The following AKAP6 variants were observed in gnomAD, a reference collection of about 807,000 sequenced individuals.
AKAP6 encodes the protein A-kinase anchor protein 6.
A neutral mutation model predicts 188.5 loss-of-function variants in AKAP6; 58 were observed. The ratio of observed to expected loss-of-function variants is 0.31; its 90% CI spans 0.25 to 0.38. The LOEUF is 0.38. AKAP6 is among the 10% of genes least tolerant of loss of function. AKAP6 has a pLI of 1.00. For synonymous variants in AKAP6, 989 were observed against 998.6 expected, an observed-to-expected ratio of 0.99 and a Z score of 0.18; for missense variants, 2,710 against 2,740.0, an observed-to-expected ratio of 0.99 and a Z score of 0.24.
In AKAP6 at chr14:32,527,577, C is replaced by A. The variant is rs1388914755; in HGVS notation, c.325-7977C>A. 6.6e-5 allele frequency among the ~76,000 whole-genome samples: 10 copies of A among 152,334 alleles called. 1 individual carries two copies. The South Asian group carries it at 2.1e-3, about 32-fold the overall frequency. On this transcript the variant is annotated intron_variant, in intron 2 of 13. Coordinates refer to ENST00000280979, the MANE Select transcript of AKAP6 (RefSeq NM_004274.5). ...ACAATGAATGAGAGTTCCTCTTACT[C>A]CACATCCTCACCAGCATTTGGTGTT...
At chr14:32,783,760 T>C (rs1365766683) in intron 12 of AKAP6, among the ~76,000 whole-genome samples, 1 of 152,018 alleles carries the variant, frequency 6.6e-6, no homozygotes, top group Non-Finnish European at 1.5e-5. Context: ...GCAAAGAAAA[T>C]TTCAGCAATT....
At chr14:32,793,404 A>G (rs1306556917) in intron 12 of AKAP6, among the ~76,000 whole-genome samples, 1 of 152,220 alleles carries the variant, frequency 6.6e-6, no homozygotes, top group African/African-American at 2.4e-5. Context: ...AGTTTAAACC[A>G]GCAAAGATTA....
At chr14:32,578,679 G>C (rs1451848399) in intron 5 of AKAP6, among the ~76,000 whole-genome samples, 1 of 152,144 alleles carries the variant, frequency 6.6e-6, no homozygotes, top group Admixed American at 6.6e-5. Flanking sequence ...TAAGTGTGCT[G>C]TCTTACTTTC....
chr14:32,816,333 C>A (rs1428873185), intron 12 of AKAP6, among the ~76,000 whole-genome samples: 2 of 152,112 alleles, frequency 1.3e-5, no homozygotes, highest in Admixed American at 6.6e-5. Flanking sequence ...GCTAGGACAA[C>A]AGGCACATGC....
At chr14:32,778,976 TGGAAGAC>T (rs377576910) in intron 12 of AKAP6, among the ~76,000 whole-genome samples, 27 of 151,884 alleles carry the variant, frequency 1.8e-4, no homozygotes, top group African/African-American at 6.5e-4. Context: ...AATAGCAAGA[TGGAAGAC>T]TTAAAACAAC....
intron 7 of AKAP6, among the ~76,000 whole-genome samples, chr14:32,633,058 G>A (rs1250675851): frequency 6.6e-6 from 1 of 152,038 alleles, no homozygotes; most frequent in Non-Finnish European, 1.5e-5. Context: ...CATGTTAACT[G>A]GGTCTTTTCT....
At chr14:32,662,190 T>G (rs1888732481) in intron 7 of AKAP6, among the ~76,000 whole-genome samples, 1 of 152,040 alleles carries the variant, frequency 6.6e-6, no homozygotes, top group African/African-American at 2.4e-5. Flanking sequence ...AATATAAAAT[T>G]TTATAGTTCT....
At chr14:32,426,998 T>G (rs930430362) in intron 1 of AKAP6, among the ~76,000 whole-genome samples, 1 of 152,052 alleles carries the variant, frequency 6.6e-6, no homozygotes, top group African/African-American at 2.4e-5. Context: ...ATTAGCAGAA[T>G]GTAATCACCC....
chr14:32,378,758 TA>T (rs1445238067), intron 1 of AKAP6, among the ~76,000 whole-genome samples: 1 of 152,158 alleles, frequency 6.6e-6, no homozygotes, highest in Non-Finnish European at 1.5e-5. Context: ...TGGGGAAAAA[TA>T]ATACTTATAA....
chr14:32,427,134 G>T (rs531232804), intron 1 of AKAP6, among the ~76,000 whole-genome samples: 1 of 152,162 alleles, frequency 6.6e-6, no homozygotes, highest in African/African-American at 2.4e-5. Flanking sequence ...CTATTGACGT[G>T]CTGTTTCCCC....
intron 2 of AKAP6, among the ~76,000 whole-genome samples, chr14:32,524,266 C>A (rs1882010442): frequency 6.6e-6 from 1 of 151,944 alleles, no homozygotes; most frequent in African/African-American, 2.4e-5. Context: ...CTGTGCAAAT[C>A]AGGATAGTGG....
At chr14:32,732,800 C>A in intron 10 of AKAP6, 200 bp downstream of exon 10, 1 of 644,606 alleles carries the variant, frequency 1.6e-6, no homozygotes, top group Non-Finnish European at 2.6e-6. Context: ...TGAGCTTGTC[C>A]CCTCTCAGAT....
intron 2 of AKAP6, among the ~76,000 whole-genome samples, chr14:32,450,286 G>A (rs10483408): frequency 6.6e-6 from 1 of 152,042 alleles, no homozygotes. Context: ...TGCTGATTTT[G>A]TGACTGTGGT....
At chr14:32,355,530 A>T (rs1312922594) in intron 1 of AKAP6, among the ~76,000 whole-genome samples, 1 of 152,234 alleles carries the variant, frequency 6.6e-6, no homozygotes, top group Admixed American at 6.5e-5. Flanking sequence ...GCATAGAATT[A>T]CAAAAAAATC....
intron 1 of AKAP6, among the ~76,000 whole-genome samples, chr14:32,411,553 G>T (rs1017720098): frequency 2.6e-5 from 4 of 152,028 alleles, no homozygotes; most frequent in Non-Finnish European, 4.4e-5. Context: ...GTTTTAGCTG[G>T]TTCTTAAATT....
chr14:32,477,726 A>G (rs770043924), intron 2 of AKAP6, among the ~76,000 whole-genome samples: 59 of 152,196 alleles, frequency 3.9e-4, no homozygotes, highest in Non-Finnish European at 6.6e-4. Context: ...CTTTATAGCA[A>G]TCTTGCTACA....
At chr14:32,536,904 G>A (rs1457159554) in intron 3 of AKAP6, among the ~76,000 whole-genome samples, 3 of 152,176 alleles carry the variant, frequency 2.0e-5, no homozygotes, top group African/African-American at 7.2e-5. Context: ...GCGCAGGCAT[G>A]TGTGTTTAGT....
chr14:32,664,032 G>GA (rs541786845), intron 7 of AKAP6, among the ~76,000 whole-genome samples: 1,718 of 151,560 alleles, frequency 0.011, 12 homozygotes, highest in Non-Finnish European at 0.017. Context: ...AGAAGGAGCA[G>GA]AAAAAAAATA....
intron 1 of AKAP6, among the ~76,000 whole-genome samples, chr14:32,346,592 T>C (rs1887073021): frequency 6.6e-6 from 1 of 152,206 alleles, no homozygotes; most frequent in Admixed American, 6.5e-5. Flanking sequence ...CACTGAAAGC[T>C]CCGCCTCCCG....
Sources: gnomAD v4.1 joint callset for allele counts (sites outside exome capture counted in the v4.1 genomes callset) on GRCh38, gnomAD v4.1.1 for gene constraint, MANE v1.5 for transcripts, NCBI Gene and HGNC (gene_info 2026-07-23, HGNC 2026-07-21) for gene names.